ANKRD46: variants seen among roughly 807,000 people sequenced by gnomAD.
ANKRD46 encodes the protein ankyrin repeat domain 46.
Under a neutral mutation model 19.8 loss-of-function variants are expected in ANKRD46, and 13 were observed. The ratio of observed to expected loss-of-function variants is 0.66; its 90% CI spans 0.43 to 1.04. The LOEUF is 1.04. ANKRD46 is among the 50% of genes least tolerant of loss of function. ANKRD46 has a pLI of 0.00. For synonymous variants in ANKRD46, 91 were observed against 106.9 expected (o/e 0.85, Z 0.92); for missense variants, 185 against 274.8 (o/e 0.67, Z 2.31).
intron 1 of ANKRD46, among the ~76,000 whole-genome samples, chr8:100,541,222 C>T (rs1812169545): frequency 6.6e-6 from 1 of 151,794 alleles, no homozygotes. Context: ...CCTCATTAAA[C>T]CCACCTTAGC....
intron 5 of ANKRD46, among the ~76,000 whole-genome samples, chr8:100,515,031 CTTAA>C (rs1263715951): frequency 6.6e-6 from 1 of 152,130 alleles, no homozygotes; most frequent in African/African-American, 2.4e-5. Context: ...TATTGAAGAG[CTTAA>C]TTAATACCTT....
At chr8:100,528,124 G>C (rs757481350) in intron 3 of ANKRD46, 121 bp from the exon 4 acceptor site, 3 of 1,125,972 alleles carry the variant, frequency 2.7e-6, no homozygotes, top group Non-Finnish European at 3.5e-6. Flanking sequence ...GAAAGAATGG[G>C]CCCAATTAGG....
intron 3 of ANKRD46, 86 bp from the exon 4 acceptor site, chr8:100,528,089 A>G: frequency 5.9e-6 from 8 of 1,348,194 alleles, no homozygotes; most frequent in Non-Finnish European, 7.8e-6. Context: ...CATTTTTAGT[A>G]CCCACTTATA....
chr8:100,542,530 T>C (rs1212263499), intron 1 of ANKRD46, among the ~76,000 whole-genome samples: 1 of 152,096 alleles, frequency 6.6e-6, no homozygotes, highest in Non-Finnish European at 1.5e-5. Context: ...TAGTCTTATA[T>C]CTAAGGGAGT....
chr8:100,548,566 G>T (rs1812318022), intron 1 of ANKRD46, among the ~76,000 whole-genome samples: 1 of 152,188 alleles, frequency 6.6e-6, no homozygotes, highest in Admixed American at 6.5e-5. Context: ...GGCATGAGTT[G>T]TCTTGTTCCA....
At chr8:100,533,564 A>G (rs1812005547) in intron 1 of ANKRD46, among the ~76,000 whole-genome samples, 1 of 152,204 alleles carries the variant, frequency 6.6e-6, no homozygotes, top group South Asian at 2.1e-4. Flanking sequence ...AAGAATAAGA[A>G]TCAAATTATG....
In ANKRD46 at chr8:100,529,473, G is replaced by C. The variant is rs185462586; in HGVS notation, c.311+50C>G. 1.6e-4 allele frequency: 249 copies of C among 1,527,708 alleles called. No homozygotes were observed. In the East Asian group the frequency reaches 5.5e-3, roughly 34 times the overall value. 94.6% of individuals were successfully genotyped at this position (1,527,708 alleles called of 1,614,324 possible). The stretch of plus-strand genomic sequence containing the variant: ...GACCCAAGATAAGATTATCAGTTGA[G>C]AGATTAATGGGAAGAAATGACTAGA... On this transcript the variant is annotated intron_variant, in intron 3 of 4. Transcript: ENST00000335659. This position sits in a 1 kb window ranked among gnomAD's most constrained non-coding sequence, Gnocchi z 5.8.
At position 100,527,550 on chromosome 8, in the gene ANKRD46, A is replaced by G. The variant is rs1009951793; in HGVS notation, c.470+295T>C. 1.3e-5 allele frequency among the ~76,000 whole-genome samples: 2 copies of G among 152,194 alleles called. No homozygotes were observed. Among genetic ancestry groups the G allele is most frequent in the African/African-American group, 4.8e-5 (2 of 41,432 alleles). On this transcript the variant is annotated intron_variant, in intron 4 of 4. Coordinates refer to ENST00000335659, the MANE Select transcript of ANKRD46 (RefSeq NM_001270377.2). The surrounding 1 kb of genome is among the most constrained non-coding windows in gnomAD (Gnocchi z 4.0). ...GTGGCTAACAGAACATTATGCGCAC[A>G]TGACATGTAGTACTTTCTGTTAATA...
At position 100,510,367 on chromosome 8, in the gene ANKRD46, C is replaced by G. The variant is rs1811531022; in HGVS notation, c.*210G>C. 2 of 427,732 alleles carry G rather than the reference C, an allele frequency of 4.7e-6. No individual in the cohort carries two copies. The highest frequency in any genetic ancestry group is 8.1e-5 in the South Asian group (1 of 12,324). 26.5% of individuals were successfully genotyped at this position (427,732 alleles called of 1,614,324 possible). ...TTGAGGATCTGGGAGGCCAGGAAGA[C>G]AGCAGGTGCCCGGGCTGCCTGCAGG... On this transcript the variant is annotated 3_prime_UTR_variant, in exon 6 of 6. Transcript: ENST00000520552. This position sits in a 1 kb window ranked among gnomAD's most constrained non-coding sequence, Gnocchi z 4.9.
In ANKRD46 at chr8:100,534,495, T is replaced by A. The variant is rs558023435; in HGVS notation, c.-130-1184A>T. On this transcript the variant is annotated intron_variant, in intron 1 of 4. Transcript: ENST00000335659. This position sits in a 1 kb window ranked among gnomAD's most constrained non-coding sequence, Gnocchi z 4.2. ...ATTTCCTTAAACAAATATTATGTAT[T>A]CACCCAAAGCCTAATATTTTTCCTC... Among the ~76,000 whole-genome samples, 59 of 152,238 alleles carry A rather than the reference T, an allele frequency of 3.9e-4. No individual in the cohort carries two copies. The highest frequency in any genetic ancestry group is 7.5e-4 in the Non-Finnish European group (51 of 68,048).
Position 100,532,221 on chromosome 8 carries a change from T to G in ANKRD46, c.-28+988A>C, listed in dbSNP as rs1305467307. The stretch of plus-strand genomic sequence containing the variant: ...TGGCTCACACCTGTAATCCCAGTAC[T>G]TTGGAAGGCCAAAATGGGAGGATAG... On this transcript the variant is annotated intron_variant, in intron 2 of 4. Coordinates refer to ENST00000335659, the MANE Select transcript of ANKRD46 (RefSeq NM_001270377.2). This position sits in a 1 kb window ranked among gnomAD's most constrained non-coding sequence, Gnocchi z 4.7. 1 of 152,244 alleles carries G rather than the reference T, an allele frequency of 6.6e-6. No individual in the cohort carries two copies. The highest frequency in any genetic ancestry group is 1.5e-5 in the Non-Finnish European group (1 of 68,064). The allele number at this position is 152,244 out of a possible 1,614,324, so 9.4% of individuals were successfully genotyped here.
intron 1 of ANKRD46, among the ~76,000 whole-genome samples, chr8:100,549,248 G>T (rs897069152): frequency 1.7e-4 from 26 of 152,064 alleles, no homozygotes; most frequent in African/African-American, 6.3e-4. Context: ...AGGACTACAG[G>T]CGTGAGCCAC....
chr8:100,531,009 C>T (rs957602502), intron 2 of ANKRD46, among the ~76,000 whole-genome samples: 17 of 152,182 alleles, frequency 1.1e-4, no homozygotes, highest in African/African-American at 1.9e-4. Flanking sequence ...GCCCCACTGG[C>T]GCACCTGAAC....
At chr8:100,520,579 A>C (rs1252231875), downstream of ANKRD46, among the ~76,000 whole-genome samples, 1 of 152,152 alleles carries the variant, frequency 6.6e-6, no homozygotes, top group Non-Finnish European at 1.5e-5. Context: ...CATCACCCTT[A>C]AATCTACGAG....
At chr8:100,535,521 T>C (rs1386320623) in intron 1 of ANKRD46, among the ~76,000 whole-genome samples, 2 of 152,184 alleles carry the variant, frequency 1.3e-5, no homozygotes, top group Non-Finnish European at 1.5e-5. Flanking sequence ...AAATCTCTCA[T>C]ATGTTGCCCT....
chr8:100,533,037 T>G (rs1811996587), intron 2 of ANKRD46, among the ~76,000 whole-genome samples, 172 bp downstream of exon 2: 1 of 152,210 alleles, frequency 6.6e-6, no homozygotes, highest in Non-Finnish European at 1.5e-5. Flanking sequence ...TGAGAACAAG[T>G]GTGTATTTTG....
At chr8:100,519,725 A>T (rs1458329218), downstream of ANKRD46, among the ~76,000 whole-genome samples, 11 of 152,240 alleles carry the variant, frequency 7.2e-5, 1 homozygote, top group Admixed American at 3.9e-4. Context: ...GGTGCTGCTG[A>T]TCGGAAGCCT....
Position 100,527,891 on chromosome 8 carries a change from C to T in ANKRD46, c.424G>A (p.Gly142Arg). 1 of 1,613,538 alleles carries T rather than the reference C, an allele frequency of 6.2e-7. No individual in the cohort carries two copies. The highest frequency in any genetic ancestry group is 1.6e-4 in the Middle Eastern group (1 of 6,062). Reference sequence around the variant, plus strand: ...ATGGTCTCCAGTTTCGAGTGGGTTCCTCTGTTAAATCCTTTCACCTCCTGT... The same window carrying T: ...ATGGTCTCCAGTTTCGAGTGGGTTCTTCTGTTAAATCCTTTCACCTCCTGT... ...EEQEVKGFNR[G>R]THSKLETMQT... Residue 142 changes from glycine (G) to arginine (R), a missense_variant, in exon 4 of 5, where the codon GGA becomes AGA. Physicochemically the swap from Gly to Arg is moderately radical, Grantham distance 125. Transcript: ENST00000335659. The surrounding 1 kb of genome is among the most constrained non-coding windows in gnomAD (Gnocchi z 4.0).
chr8:100,534,829 G>A lies in ANKRD46; in HGVS notation c.-130-1518C>T, dbSNP rs938344661. On this transcript the variant is annotated intron_variant, in intron 1 of 4. Transcript: ENST00000335659. This position sits in a 1 kb window ranked among gnomAD's most constrained non-coding sequence, Gnocchi z 4.2. ...CTGTCGCTGGTGCCGGAGTGCAGTGGTGCAATCTCGACTCACCTGCAGAGG... is the reference window on the plus strand; with the variant it reads ...CTGTCGCTGGTGCCGGAGTGCAGTGATGCAATCTCGACTCACCTGCAGAGG... Among the ~76,000 whole-genome samples, 1 of 152,168 alleles carries A rather than the reference G, an allele frequency of 6.6e-6. No individual in the cohort carries two copies. Among genetic ancestry groups the A allele is most frequent in the African/African-American group, 2.4e-5 (1 of 41,440 alleles).
Sources: allele counts gnomAD v4.1 joint callset (sites outside exome capture counted in the v4.1 genomes callset), GRCh38; gene constraint gnomAD v4.1.1; non-coding constraint Gnocchi (gnomAD v3.1); transcripts MANE v1.5; gene names NCBI Gene and HGNC (gene_info 2026-07-23, HGNC 2026-07-21).